The following CRACD variants were observed in gnomAD, a reference collection of about 807,000 sequenced individuals.
CRACD encodes the protein capping protein inhibiting regulator of actin dynamics, also known as capping protein-inhibiting regulator of actin dynamics.
CRACD carries 56 observed loss-of-function variants against 106.8 expected under a neutral mutation model. The observed-to-expected ratio is 0.52, with a 90% CI of 0.42 to 0.66. The LOEUF (loss-of-function observed/expected upper bound fraction) is 0.66, where lower values mean the gene tolerates loss of function less well. CRACD is among the 30% of genes least tolerant of loss of function. The pLI is 0.00. For synonymous variants in CRACD, 754 were observed against 670.8 expected (o/e 1.12, Z -1.92); for missense variants, 1,730 against 1,623.2 (o/e 1.07, Z -1.13).
At chr4:56,108,329 T>C (rs1734012828) in intron 1 of CRACD, among the ~76,000 whole-genome samples, 1 of 152,202 alleles carries the variant, frequency 6.6e-6, no homozygotes, top group South Asian at 2.1e-4. Flanking sequence ...ATCACTTCTC[T>C]GGTATTTTCC....
At chr4:56,272,918 T>C (rs1377890093) in intron 3 of CRACD, among the ~76,000 whole-genome samples, 1 of 140,612 alleles carries the variant, frequency 7.1e-6, no homozygotes, top group Non-Finnish European at 1.5e-5. Context: ...AAAAAAAGGA[T>C]CACAAATGGG....
Position 56,094,815 on chromosome 4 carries a change from T to C in CRACD, c.-336+45516T>C, listed in dbSNP as rs1733541740. 2.0e-5 allele frequency among the ~76,000 whole-genome samples: 3 copies of C among 152,224 alleles called. No homozygotes were observed. The South Asian group carries it at 6.2e-4, about 31-fold the overall frequency. ...TGGTAATAAAAGCAAAGATATGTTATTGATTTTGTCAATTCTAGTTTTTAA... is the reference window on the plus strand; with the variant it reads ...TGGTAATAAAAGCAAAGATATGTTACTGATTTTGTCAATTCTAGTTTTTAA... On this transcript the variant is annotated intron_variant, in intron 1 of 10. Transcript: ENST00000682029.
intron 2 of CRACD, among the ~76,000 whole-genome samples, chr4:56,231,369 T>C (rs1739607126): frequency 6.6e-6 from 1 of 152,216 alleles, no homozygotes. Context: ...ACTTGTTAAA[T>C]AAATATCATG....
chr4:56,245,812 C>T (rs1027486587), intron 2 of CRACD, among the ~76,000 whole-genome samples: 2 of 152,152 alleles, frequency 1.3e-5, no homozygotes, highest in African/African-American at 2.4e-5. Flanking sequence ...AAGGAAAAAT[C>T]GAACTTCCAA....
intron 4 of CRACD, among the ~76,000 whole-genome samples, chr4:56,304,015 A>G (rs1249399378): frequency 6.6e-6 from 1 of 152,198 alleles, no homozygotes; most frequent in Admixed American, 6.5e-5. Context: ...AGGCAACAGC[A>G]TGATGCTGAT....
In CRACD at chr4:56,314,792, C is replaced by T. The variant is rs1344262893; in HGVS notation, c.1290C>T (p.Leu430=). 3 of 1,600,654 alleles carry T rather than the reference C, an allele frequency of 1.9e-6. No homozygotes were observed. Among genetic ancestry groups the T allele is most frequent in the South Asian group, 1.1e-5 (1 of 88,290 alleles). ...TTCTGAACGACTTTGAGGAGAGGCTCGAAGACCAGGAACGCCTGAAACCCG... is the reference window on the plus strand; with the variant it reads ...TTCTGAACGACTTTGAGGAGAGGCTTGAAGACCAGGAACGCCTGAAACCCG... ...SELLNDFEER[L]EDQERLKPEG... is the part of the protein sequence containing the mutation. Residue 430 remains leucine (L), a synonymous_variant, in exon 8 of 11, where the codon CTC becomes CTT. Coordinates refer to ENST00000682029, the MANE Select transcript of CRACD (RefSeq NM_001393381.1). The surrounding 1 kb of genome is among the most constrained non-coding windows in gnomAD (Gnocchi z 4.4).
At position 56,171,303 on chromosome 4, in the gene CRACD, C is replaced by T. The variant is rs571583211; in HGVS notation, c.-335-7981C>T. On this transcript the variant is annotated intron_variant, in intron 1 of 10. Transcript: ENST00000682029. ...GAAAGACTATGGTCATTATAGCTGACGAGGAACAGATACTTACTGTGAATA... is the reference window on the plus strand; with the variant it reads ...GAAAGACTATGGTCATTATAGCTGATGAGGAACAGATACTTACTGTGAATA... Among the ~76,000 whole-genome samples, 440 of 150,914 alleles carry T rather than the reference C, an allele frequency of 2.9e-3. 1 individual carries two copies. The highest frequency in any genetic ancestry group is 5.2e-3 in the Non-Finnish European group (355 of 67,824).
At chr4:56,214,681 C>CTCTCTCTATATG in intron 2 of CRACD, among the ~76,000 whole-genome samples, 1 of 80,972 alleles carries the variant, frequency 1.2e-5, no homozygotes, top group Non-Finnish European at 2.6e-5. Flanking sequence ...CTCTCTCTCT[C>CTCTCTCTATATG]TATATATATA....
chr4:56,284,698 C>G (rs2109681757), intron 3 of CRACD, among the ~76,000 whole-genome samples: 1 of 151,958 alleles, frequency 6.6e-6, no homozygotes, highest in East Asian at 1.9e-4. Context: ...GCACCCCAGC[C>G]TGGGCTACAG....
At chr4:56,230,387 T>C (rs1739550366) in intron 2 of CRACD, among the ~76,000 whole-genome samples, 1 of 152,112 alleles carries the variant, frequency 6.6e-6, no homozygotes, top group Non-Finnish European at 1.5e-5. Flanking sequence ...ACATCAATTG[T>C]TCTATTAAAC....
intron 1 of CRACD, among the ~76,000 whole-genome samples, chr4:56,132,320 A>G (rs769800925): frequency 6.6e-6 from 1 of 151,988 alleles, no homozygotes; most frequent in Non-Finnish European, 1.5e-5. Flanking sequence ...GATTACAGAC[A>G]TGAGCCACCG....
chr4:56,256,076 A>G (rs773696548), intron 2 of CRACD, among the ~76,000 whole-genome samples: 2 of 151,964 alleles, frequency 1.3e-5, no homozygotes, highest in Non-Finnish European at 2.9e-5. Flanking sequence ...TTGGAGCAAA[A>G]CTCTGCCATC....
chr4:56,316,334 G>A lies in CRACD; in HGVS notation c.2832G>A (p.Pro944=). ...CTCCACCGGCCAGCAGCCAGACCCC[G>A]GCTCCGGAGCACGACAAGGCAGCAA... ...PGPPPASSQT[P]APEHDKAANK... The change falls in exon 8 of 11, where the codon CCG becomes CCA. Residue 944 remains proline, a synonymous_variant. Coordinates refer to ENST00000682029, the MANE Select transcript of CRACD (RefSeq NM_001393381.1). The A allele has an allele frequency of 6.2e-7, 1 of 1,614,000 alleles. No homozygotes were observed. Among genetic ancestry groups the A allele is most frequent in the Non-Finnish European group, 8.5e-7 (1 of 1,179,904 alleles).
intron 2 of CRACD, among the ~76,000 whole-genome samples, chr4:56,231,978 T>C (rs1366838872): frequency 6.6e-6 from 1 of 152,186 alleles, no homozygotes; most frequent in Non-Finnish European, 1.5e-5. Flanking sequence ...CCTAAGGATG[T>C]ACAAAAAATA....
chr4:56,152,478 GA>G (rs752352180), intron 1 of CRACD, among the ~76,000 whole-genome samples: 58 of 145,510 alleles, frequency 4.0e-4, no homozygotes, highest in African/African-American at 1.1e-3. Context: ...TACAAAAAAA[GA>G]AAAAAAAAAC....
intron 1 of CRACD, among the ~76,000 whole-genome samples, chr4:56,107,862 C>G (rs1243921643): frequency 1.3e-5 from 2 of 152,186 alleles, no homozygotes; most frequent in Non-Finnish European, 2.9e-5. Context: ...GCATTTCTGT[C>G]CAAGTTGGGA....
At chr4:56,125,764 C>CTTCTT (rs1420481544) in intron 1 of CRACD, among the ~76,000 whole-genome samples, 31 of 73,298 alleles carry the variant, frequency 4.2e-4, no homozygotes, top group East Asian at 2.3e-3. Flanking sequence ...CATTCTTCTT[C>CTTCTT]TTTTTTTTTT....
At chr4:56,104,181 G>A (rs1290155879) in intron 1 of CRACD, among the ~76,000 whole-genome samples, 1 of 152,152 alleles carries the variant, frequency 6.6e-6, no homozygotes, top group Non-Finnish European at 1.5e-5. Flanking sequence ...AGCATCGCTT[G>A]GGCCCAGGAG....
intron 4 of CRACD, among the ~76,000 whole-genome samples, chr4:56,303,831 G>A (rs1315201712): frequency 6.6e-6 from 1 of 152,172 alleles, no homozygotes; most frequent in Non-Finnish European, 1.5e-5. Flanking sequence ...ATGTCTTCGA[G>A]GACAGTGCTT....
Sources: gnomAD v4.1 joint callset for allele counts (sites outside exome capture counted in the v4.1 genomes callset) on GRCh38, gnomAD v4.1.1 for gene constraint, Gnocchi (gnomAD v3.1) non-coding constraint, MANE v1.5 for transcripts, NCBI Gene and HGNC (gene_info 2026-07-23, HGNC 2026-07-21) for gene names.